UGGT2: variants seen among roughly 807,000 people sequenced by gnomAD.
UGGT2 encodes the protein UDP-glucose glycoprotein glucosyltransferase 2.
In UGGT2, 180 loss-of-function variants were observed where a neutral mutation model predicts 192.1. The observed-to-expected ratio is 0.94, with a 90% CI of 0.83 to 1.06. The LOEUF (loss-of-function observed/expected upper bound fraction) is 1.06. UGGT2 is among the 50% of genes least tolerant of loss of function. The pLI, the probability that UGGT2 is intolerant of heterozygous loss-of-function variation, is 0.00. For missense variants in UGGT2, 1,849 were observed against 1,795.7 expected (o/e 1.03, Z -0.54); for synonymous variants, 580 against 591.0 (o/e 0.98, Z 0.27).
intron 17 of UGGT2, 151 bp downstream of exon 17, chr13:95,936,773 T>G (rs1191725833): frequency 1.3e-6 from 1 of 779,216 alleles, no homozygotes. Context: ...TGGCGTGGCT[T>G]AAGCTGCTAA....
chr13:95,919,272 C>A (rs956097575), intron 20 of UGGT2, among the ~76,000 whole-genome samples: 2 of 152,134 alleles, frequency 1.3e-5, no homozygotes, highest in Admixed American at 1.3e-4. Context: ...ACTGAATGGG[C>A]AAAAGCTGGA....
chr13:95,907,050 T>C (rs1245433752), intron 20 of UGGT2, among the ~76,000 whole-genome samples: 1 of 152,212 alleles, frequency 6.6e-6, no homozygotes, highest in Non-Finnish European at 1.5e-5. Flanking sequence ...GGGACACTTC[T>C]GCCCAAATAC....
rs2050724966 is a variant in UGGT2 at position 95,970,135 on chromosome 13, CTAA to C, written c.1309_1311del (p.Leu437del). 3 of 1,608,874 alleles carry C rather than the reference CTAA, an allele frequency of 1.9e-6. No individual in the cohort carries two copies. The Admixed American group carries it at 5.0e-5, about 27-fold the overall frequency. ...ACCATTATAGAAGAATGTCGAATAT[CTAA>C]TACATAAGTATATTCCCAAATGTGT... On this transcript the variant is annotated inframe_deletion, in exon 12 of 39. Coordinates refer to ENST00000376747, the MANE Select transcript of UGGT2 (RefSeq NM_020121.4).
At chr13:95,831,811 T>C (rs945782317) in intron 38 of UGGT2, among the ~76,000 whole-genome samples, 3 of 151,972 alleles carry the variant, frequency 2.0e-5, no homozygotes, top group Non-Finnish European at 4.4e-5. Flanking sequence ...AAAAAGATGT[T>C]TTTTGTTGAG....
intron 17 of UGGT2, among the ~76,000 whole-genome samples, chr13:95,936,525 C>T (rs181755552): frequency 1.8e-4 from 27 of 152,328 alleles, no homozygotes; most frequent in Admixed American, 1.2e-3. Flanking sequence ...CCTACAGGTA[C>T]CCCAACGGCA....
chr13:96,053,214 C>T lies in UGGT2; in HGVS notation c.99G>A (p.Lys33=). The change falls in exon 1 of 39, where the codon AAG becomes AAA. Residue 33 remains lysine (K), a synonymous_variant. Coordinates refer to ENST00000376747, the MANE Select transcript of UGGT2 (RefSeq NM_020121.4). ...QLGSGTVAAS[K]SVTAHLAAKW... ...TCGCGGCCAAGTGGGCAGTCACCGA[C>T]TTGGACGCGGCGACCGTCCCGGAGC... 1 of 1,536,064 alleles carries T rather than the reference C, an allele frequency of 6.5e-7. No individual in the cohort carries two copies. The highest frequency in any genetic ancestry group is 8.7e-7 in the Non-Finnish European group (1 of 1,147,908).
At chr13:95,950,231 C>T (rs1042837685) in intron 12 of UGGT2, among the ~76,000 whole-genome samples, 1 of 149,902 alleles carries the variant, frequency 6.7e-6, no homozygotes, top group African/African-American at 2.4e-5. Context: ...CTATCCTGCA[C>T]ATATACATGG....
At chr13:95,879,689 G>A (rs2047437935) in intron 27 of UGGT2, among the ~76,000 whole-genome samples, 1 of 152,102 alleles carries the variant, frequency 6.6e-6, no homozygotes, top group East Asian at 1.9e-4. Flanking sequence ...CGCCCATCTT[G>A]GCCTCCCAAA....
At chr13:95,909,500 G>C (rs1254831057) in intron 20 of UGGT2, among the ~76,000 whole-genome samples, 2 of 146,794 alleles carry the variant, frequency 1.4e-5, no homozygotes, top group African/African-American at 5.1e-5. Context: ...ACTATCGCAA[G>C]AACAAAAAAA....
intron 33 of UGGT2, among the ~76,000 whole-genome samples, chr13:95,858,405 T>G (rs1256148564): frequency 6.6e-6 from 1 of 151,936 alleles, no homozygotes; most frequent in South Asian, 2.1e-4. Context: ...CTGAAGGGGT[T>G]AGAGGTTAAG....
intron 17 of UGGT2, among the ~76,000 whole-genome samples, chr13:95,931,039 T>C (rs1359279431): frequency 6.6e-6 from 1 of 152,182 alleles, no homozygotes; most frequent in Non-Finnish European, 1.5e-5. Flanking sequence ...TTTTATTCCC[T>C]TATCTGGCCC....
At chr13:95,922,255 T>C (rs2048867985) in intron 20 of UGGT2, among the ~76,000 whole-genome samples, 1 of 152,092 alleles carries the variant, frequency 6.6e-6, no homozygotes, top group Non-Finnish European at 1.5e-5. Context: ...AAACAATGGA[T>C]ACTCAGGGAC....
At chr13:95,900,352 A>C (rs2048068629) in intron 22 of UGGT2, among the ~76,000 whole-genome samples, 1 of 152,168 alleles carries the variant, frequency 6.6e-6, no homozygotes, top group African/African-American at 2.4e-5. Context: ...ATATTTTATT[A>C]ATAAATACTA....
intron 22 of UGGT2, among the ~76,000 whole-genome samples, 177 bp downstream of exon 22, chr13:95,900,630 A>G (rs1364646818): frequency 6.6e-6 from 1 of 152,160 alleles, no homozygotes; most frequent in Non-Finnish European, 1.5e-5. Context: ...AGAATGAAGG[A>G]ATGGGAAGTG....
intron 12 of UGGT2, among the ~76,000 whole-genome samples, chr13:95,965,948 T>C (rs1020206599): frequency 1.3e-5 from 2 of 152,138 alleles, no homozygotes; most frequent in Non-Finnish European, 2.9e-5. Context: ...TTGCTGGGAA[T>C]GTAAACTAGT....
intron 1 of UGGT2, among the ~76,000 whole-genome samples, chr13:96,038,069 G>A (rs926982784): frequency 6.6e-6 from 1 of 152,158 alleles, no homozygotes; most frequent in Non-Finnish European, 1.5e-5. Context: ...AAAACAATAA[G>A]GCACATGAGG....
chr13:96,022,460 GTGAGT>G (rs1303883156), intron 4 of UGGT2, among the ~76,000 whole-genome samples: 7 of 151,806 alleles, frequency 4.6e-5, no homozygotes, highest in Admixed American at 2.6e-4. Context: ...TTGTTAACAA[GTGAGT>G]TAAGTATTAA....
rs540601430 is a variant in UGGT2 at position 95,966,720 on chromosome 13, C to A, written c.1335+3392G>T. ...ATTTAAAAAACCAAAAAACTATTTT[C>A]TTATGATCATGTAAATAATACATAC... On this transcript the variant is annotated intron_variant, in intron 12 of 38. Transcript: ENST00000376747. Among the ~76,000 whole-genome samples, 3 of 152,132 alleles carry A rather than the reference C, an allele frequency of 2.0e-5. No individual in the cohort carries two copies. The East Asian group carries it at 5.8e-4, about 29-fold the overall frequency.
intron 1 of UGGT2, among the ~76,000 whole-genome samples, chr13:96,047,849 A>C (rs1374134192): frequency 6.6e-6 from 1 of 152,172 alleles, no homozygotes; most frequent in Non-Finnish European, 1.5e-5. Context: ...GTCCTTAGAG[A>C]CCTAGAAAGA....
Sources: allele counts gnomAD v4.1 joint callset (sites outside exome capture counted in the v4.1 genomes callset), GRCh38; gene constraint gnomAD v4.1.1; transcripts MANE v1.5; gene names NCBI Gene and HGNC (gene_info 2026-07-23, HGNC 2026-07-21).